The following CHD5 variants were observed in gnomAD, a reference collection of about 807,000 sequenced individuals.
CHD5 encodes chromodomain helicase DNA binding protein 5.
A neutral mutation model predicts 230.3 loss-of-function variants in CHD5; 69 were observed. That is an observed-to-expected ratio of 0.30 (90% CI 0.25 to 0.37). CHD5 has a LOEUF of 0.37. Ranked by LOEUF, CHD5 falls within the 10% of genes least tolerant of loss-of-function variation. The pLI is 1.00. For synonymous variants in CHD5, 1,064 were observed against 1,065.9 expected (o/e 1.00, Z 0.03); for missense variants, 1,827 against 2,622.8 (o/e 0.70, Z 6.63).
In CHD5 at chr1:6,129,012, C is replaced by T. The variant is rs1269428222; in HGVS notation, c.3445G>A (p.Val1149Met). ...CGCTCCTCCACCGAGGCCCGAGTCA[C>T]GAAGCGGTAGATCATCACCTTCTTG... ...QNKKVMIYRF[V>M]TRASVEERIT... The change falls in exon 23 of 42, where the codon GTG becomes ATG. Residue 1149 changes from valine (V) to methionine (M), a missense_variant. Physicochemically the swap from Val to Met is conservative, Grantham distance 21. Transcript: ENST00000262450. The surrounding 1 kb of genome is among the most constrained non-coding windows in gnomAD (Gnocchi z 6.8). The T allele has an allele frequency of 6.2e-7, 1 of 1,611,606 alleles. No individual in the cohort carries two copies. The highest frequency in any genetic ancestry group is 8.5e-7 in the Non-Finnish European group (1 of 1,179,778).
At chr1:6,158,274 G>T (rs1285330679) in intron 3 of CHD5, among the ~76,000 whole-genome samples, 1 of 152,174 alleles carries the variant, frequency 6.6e-6, no homozygotes, top group East Asian at 1.9e-4. Context: ...CTGGGCCCAG[G>T]GGAGAGCTGG....
chr1:6,108,430 GGA>G (rs1374979610), intron 38 of CHD5, among the ~76,000 whole-genome samples: 1 of 148,102 alleles, frequency 6.8e-6, no homozygotes, highest in Non-Finnish European at 1.5e-5. Context: ...ATGGAAGGAT[GGA>G]GAGATGATGG....
At chr1:6,153,393 A>G (rs2100867492) in intron 5 of CHD5, among the ~76,000 whole-genome samples, 1 of 152,302 alleles carries the variant, frequency 6.6e-6, no homozygotes, top group South Asian at 2.1e-4. Flanking sequence ...CAGGACAGGG[A>G]ACAGACTCTG....
In CHD5 at chr1:6,129,321, G is replaced by A. The variant is rs1263064838; in HGVS notation, c.3388-252C>T. Among the ~76,000 whole-genome samples, 1 of 152,152 alleles carries A rather than the reference G, an allele frequency of 6.6e-6. No homozygotes were observed. The highest frequency in any genetic ancestry group is 2.4e-5 in the African/African-American group (1 of 41,376). ...CTAGCCATTGGAAGCAGGCAGGACT[G>A]CAGGTGTGCAAGAGTGTGTGAGGGA... On this transcript the variant is annotated intron_variant, in intron 22 of 41. Transcript: ENST00000262450. The surrounding 1 kb of genome is among the most constrained non-coding windows in gnomAD (Gnocchi z 6.8).
chr1:6,134,906 A>C lies in CHD5; in HGVS notation c.2871-47T>G, dbSNP rs368909944. ...GGCAGGCTGGGTCAGACCCGCCTCCATGAGGGCTCTCTCTGCTCTGCAGTG... is the reference window on the plus strand; with the variant it reads ...GGCAGGCTGGGTCAGACCCGCCTCCCTGAGGGCTCTCTCTGCTCTGCAGTG... On this transcript the variant is annotated intron_variant, in intron 18 of 41. Coordinates refer to ENST00000262450, the MANE Select transcript of CHD5 (RefSeq NM_015557.3). The surrounding 1 kb of genome is among the most constrained non-coding windows in gnomAD (Gnocchi z 6.3). 1 of 1,611,164 alleles carries C rather than the reference A, an allele frequency of 6.2e-7. No homozygotes were observed. Among genetic ancestry groups the C allele is most frequent in the Non-Finnish European group, 8.5e-7 (1 of 1,177,952 alleles).
At chr1:6,179,039 T>C (rs1396405585) in intron 1 of CHD5, among the ~76,000 whole-genome samples, 1 of 152,232 alleles carries the variant, frequency 6.6e-6, no homozygotes, top group Non-Finnish European at 1.5e-5. Flanking sequence ...CCTACCCAGC[T>C]GTGCCAGGAG....
At chr1:6,112,078 T>C (rs1666300649) in intron 35 of CHD5, 62 bp downstream of exon 35, 1 of 1,577,332 alleles carries the variant, frequency 6.3e-7, no homozygotes, top group South Asian at 1.2e-5. Flanking sequence ...ACCACTGGTC[T>C]AGACTCCTGG....
intron 3 of CHD5, among the ~76,000 whole-genome samples, chr1:6,158,226 T>C (rs998187998): frequency 3.9e-5 from 6 of 152,158 alleles, no homozygotes; most frequent in Admixed American, 3.3e-4. Context: ...CATAAAGGCC[T>C]GGCTTCCTTC....
Position 6,125,396 on chromosome 1 carries a change from G to C in CHD5, c.4260+128C>G, listed in dbSNP as rs934231197. On this transcript the variant is annotated intron_variant, in intron 28 of 41. Transcript: ENST00000262450. The surrounding 1 kb of genome is among the most constrained non-coding windows in gnomAD (Gnocchi z 6.7). The stretch of plus-strand genomic sequence containing the variant: ...GGCAGGACCCTGACGGCGAAGACCA[G>C]ACCAAGTTCTGTCCAAGCTCCGCCT... 1 of 1,273,584 alleles carries C rather than the reference G, an allele frequency of 7.9e-7. No individual in the cohort carries two copies. The highest frequency in any genetic ancestry group is 1.5e-5 in the African/African-American group (1 of 67,456). The allele number at this position is 1,273,584 out of a possible 1,614,324, so 78.9% of individuals were successfully genotyped here.
Position 6,143,779 on chromosome 1 carries a change from G to C in CHD5, c.2043+44C>G, listed in dbSNP as rs1382764144. 4.5e-6 allele frequency: 7 copies of C among 1,546,884 alleles called. No homozygotes were observed. In the Admixed American group the frequency reaches 6.7e-5, roughly 15 times the overall value. ...GCACATTCAAGTCTGAGGTGGGCAG[G>C]CCCTGGCAACCCCACCCACTGCTGC... is the stretch of plus-strand genomic sequence containing the variant. On this transcript the variant is annotated intron_variant, in intron 13 of 41. Coordinates refer to ENST00000262450, the MANE Select transcript of CHD5 (RefSeq NM_015557.3).
chr1:6,156,878 CAG>C (rs969382572), intron 3 of CHD5, among the ~76,000 whole-genome samples: 3 of 152,194 alleles, frequency 2.0e-5, no homozygotes, highest in Non-Finnish European at 2.9e-5. Context: ...TGGCGGGGCT[CAG>C]AAAGGGAGGT....
intron 6 of CHD5, 118 bp from the exon 7 acceptor site, chr1:6,151,273 T>C: frequency 8.1e-7 from 1 of 1,232,310 alleles, no homozygotes; most frequent in Non-Finnish European, 1.1e-6. Flanking sequence ...GTGCTCTCTG[T>C]GATTCATCTC....
intron 33 of CHD5, among the ~76,000 whole-genome samples, chr1:6,114,311 A>T (rs1666341353): frequency 6.6e-6 from 1 of 151,962 alleles, no homozygotes; most frequent in South Asian, 2.1e-4. Context: ...CCCAGAAAAC[A>T]ATGATCCCCC....
intron 35 of CHD5, 65 bp downstream of exon 35, chr1:6,112,075 G>A: frequency 6.4e-7 from 1 of 1,569,082 alleles, no homozygotes; most frequent in Non-Finnish European, 8.7e-7. Flanking sequence ...TTAACCACTG[G>A]TCTAGACTCC....
intron 30 of CHD5, 92 bp from the exon 31 acceptor site, chr1:6,124,199 A>T: frequency 3.2e-6 from 4 of 1,235,706 alleles, no homozygotes; most frequent in Non-Finnish European, 4.6e-6. Flanking sequence ...GGGGGGCTGA[A>T]AGTGTCACAG....
At chr1:6,170,241 CACAG>C (rs1334593091) in intron 1 of CHD5, among the ~76,000 whole-genome samples, 1 of 152,130 alleles carries the variant, frequency 6.6e-6, no homozygotes, top group Non-Finnish European at 1.5e-5. Flanking sequence ...CATGCAGACG[CACAG>C]ACATGCATGT....
intron 1 of CHD5, among the ~76,000 whole-genome samples, chr1:6,176,817 C>G (rs1667435620): frequency 6.6e-6 from 1 of 152,356 alleles, no homozygotes; most frequent in South Asian, 2.1e-4. Flanking sequence ...CAAGACCACT[C>G]AGCTAATGCT....
rs765595598 is a variant in CHD5, at chr1:6,112,910, T to C, written c.5001A>G (p.Pro1667=). ...AGAGAACACAGAAGAGCCCCAGACC[T>C]GGCCTGAGTTCGGAACTGTCCCCTC... The part of the protein sequence containing the change: ...HSRGDSSELR[P]DDTKAEEKEP... Residue 1667 remains proline (P), a splice_region_variant and synonymous_variant, in exon 34 of 42, where the codon CCA becomes CCG. Coordinates refer to ENST00000262450, the MANE Select transcript of CHD5 (RefSeq NM_015557.3). 6.8e-6 allele frequency: 11 copies of C among 1,612,026 alleles called. No homozygotes were observed. In the African/African-American group the frequency reaches 1.5e-4, roughly 22 times the overall value.
At position 6,124,067 on chromosome 1, in the gene CHD5, G is replaced by A. The variant is rs746518710; in HGVS notation, c.4580C>T (p.Pro1527Leu). The change falls in exon 31 of 42, where the codon CCA (proline) becomes CTA (leucine). Residue 1527 changes from proline (P) to leucine (L), a missense_variant. Physicochemically the swap from Pro to Leu is moderately conservative, Grantham distance 98. Coordinates refer to ENST00000262450, the MANE Select transcript of CHD5 (RefSeq NM_015557.3). ...CTCGGGCCCCTCAGGGATCAAGTCT[G>A]GGGTGCTGTACTTCCCGTTGACATG... ...FEHVNGKYST[P>L]DLIPEGPEGK... 1.9e-6 allele frequency: 3 copies of A among 1,613,120 alleles called. No homozygotes were observed. The highest frequency in any genetic ancestry group is 3.3e-4 in the Middle Eastern group (2 of 6,052).
Sources: allele counts gnomAD v4.1 joint callset (sites outside exome capture counted in the v4.1 genomes callset), GRCh38; gene constraint gnomAD v4.1.1; non-coding constraint Gnocchi (gnomAD v3.1); transcripts MANE v1.5; gene names NCBI Gene and HGNC (gene_info 2026-07-23, HGNC 2026-07-21).